Variants in LIMCH1 observed in about 807,000 individuals in gnomAD.
LIMCH1 encodes the protein LIM and calponin homology domains-containing protein 1.
A neutral mutation model predicts 176.5 loss-of-function variants in LIMCH1; 113 were observed. The ratio of observed to expected loss-of-function variants is 0.64; its 90% CI spans 0.55 to 0.75. The LOEUF (loss-of-function observed/expected upper bound fraction) is 0.75, where lower values mean the gene tolerates loss of function less well. Ranked by LOEUF, LIMCH1 falls within the 30% of genes least tolerant of loss-of-function variation. The probability of loss-of-function intolerance (pLI) is 0.00; values close to 1 mark genes in which losing one functional copy is unlikely to be tolerated. For missense variants in LIMCH1, 1,674 were observed against 1,814.9 expected (o/e 0.92, Z 1.41); for synonymous variants, 619 against 645.9 (o/e 0.96, Z 0.63).
intron 1 of LIMCH1, among the ~76,000 whole-genome samples, chr4:41,365,057 A>G (rs1033574690): frequency 2.0e-5 from 3 of 152,214 alleles, no homozygotes; most frequent in African/African-American, 7.2e-5. Flanking sequence ...CTTTCTGAAG[A>G]AACAGATGTC....
At chr4:41,395,229 A>ATTT (rs757933680) in intron 1 of LIMCH1, among the ~76,000 whole-genome samples, 16 of 130,904 alleles carry the variant, frequency 1.2e-4, no homozygotes, top group African/African-American at 3.6e-4. Flanking sequence ...GTAGAAGTTA[A>ATTT]TTTTTTTTTT....
At chr4:41,662,408 G>A (rs755351445) in intron 19 of LIMCH1, among the ~76,000 whole-genome samples, 3 of 152,138 alleles carry the variant, frequency 2.0e-5, no homozygotes, top group East Asian at 1.9e-4. Context: ...TTAAAATGGA[G>A]CATTGAAATA....
intron 1 of LIMCH1, among the ~76,000 whole-genome samples, chr4:41,578,039 A>G (rs1469734112): frequency 6.6e-6 from 1 of 152,206 alleles, no homozygotes; most frequent in Non-Finnish European, 1.5e-5. Context: ...AATCCAACAA[A>G]TGCCAAATCC....
Position 41,412,965 on chromosome 4 carries a change from A to G in LIMCH1, c.96+52029A>G, listed in dbSNP as rs567671674. Among the ~76,000 whole-genome samples, 20 of 152,312 alleles carry G rather than the reference A, an allele frequency of 1.3e-4. No homozygotes were observed. The South Asian group carries it at 3.5e-3, about 27-fold the overall frequency. Reference sequence around the variant, plus strand: ...TAAGTTGCTGAAGTTGGGGCCTCAAATCTGGAGATCCTCATAGCTAAAGGG... The same window carrying G: ...TAAGTTGCTGAAGTTGGGGCCTCAAGTCTGGAGATCCTCATAGCTAAAGGG... On this transcript the variant is annotated intron_variant, in intron 1 of 26. Coordinates refer to the LIMCH1 transcript ENST00000313860.
At chr4:41,564,307 A>G (rs1459266780) in intron 1 of LIMCH1, among the ~76,000 whole-genome samples, 1 of 152,226 alleles carries the variant, frequency 6.6e-6, no homozygotes, top group African/African-American at 2.4e-5. Flanking sequence ...CTCTGGCGGC[A>G]GAAGAGAATT....
At chr4:41,440,514 A>G (rs1275694117) in intron 1 of LIMCH1, among the ~76,000 whole-genome samples, 2 of 152,086 alleles carry the variant, frequency 1.3e-5, no homozygotes, top group Non-Finnish European at 1.5e-5. Context: ...AATACAGAAA[A>G]AATACCATGG....
At chr4:41,505,885 C>T (rs1249940333) in intron 2 of LIMCH1, among the ~76,000 whole-genome samples, 1 of 151,502 alleles carries the variant, frequency 6.6e-6, no homozygotes, top group Admixed American at 6.6e-5. Flanking sequence ...TTAACTTTCT[C>T]CCAGTCTTAG....
Position 41,699,298 on chromosome 4 carries a change from G to A in LIMCH1, c.*2113G>A, listed in dbSNP as rs577655617. ...TACATATTTCTTAGTGAGGCTCATT[G>A]TACATGTATTGAAGCTAGAATCGAG... On this transcript the variant is annotated 3_prime_UTR_variant, in exon 32 of 32. Transcript: ENST00000503057. 2.6e-5 allele frequency: 4 copies of A among 152,202 alleles called. No individual in the cohort carries two copies. The highest frequency in any genetic ancestry group is 9.6e-5 in the African/African-American group (4 of 41,532). The allele number at this position is 152,202 out of a possible 1,614,324, so 9.4% of individuals were successfully genotyped here. A position where few individuals can be genotyped will look rare whatever the true frequency, so the allele number is the denominator to read the frequency against.
At chr4:41,613,742 C>T in intron 5 of LIMCH1, 81 bp downstream of exon 5, 1 of 1,229,624 alleles carries the variant, frequency 8.1e-7, no homozygotes, top group Non-Finnish European at 1.2e-6. Flanking sequence ...GAGGGATGGG[C>T]ACTGGGAAAG....
At chr4:41,560,515 C>G (rs1367073392) in intron 1 of LIMCH1, among the ~76,000 whole-genome samples, 1 of 152,200 alleles carries the variant, frequency 6.6e-6, no homozygotes, top group African/African-American at 2.4e-5. Flanking sequence ...CTTCCCCTCC[C>G]TCAAATGTGC....
Position 41,367,001 on chromosome 4 carries a change from T to C in LIMCH1, c.96+6065T>C, listed in dbSNP as rs187763891. ...GGGAAGCAAGACAGGTCTCATATGGTGGCAGGAGAGAGAGAGCAAGCGAAG... is the reference window on the plus strand; with the variant it reads ...GGGAAGCAAGACAGGTCTCATATGGCGGCAGGAGAGAGAGAGCAAGCGAAG... On this transcript the variant is annotated intron_variant, in intron 1 of 26. Coordinates refer to the LIMCH1 transcript ENST00000313860. Among the ~76,000 whole-genome samples the C allele has an allele frequency of 5.9e-3, 902 of 152,262 alleles. 8 individuals carry two copies. The highest frequency in any genetic ancestry group is 0.021 in the African/African-American group (874 of 41,540).
At chr4:41,496,601 G>A (rs2072190585) in intron 2 of LIMCH1, among the ~76,000 whole-genome samples, 1 of 152,194 alleles carries the variant, frequency 6.6e-6, no homozygotes, top group African/African-American at 2.4e-5. Flanking sequence ...AATGGTGACT[G>A]GGGACAGGGG....
chr4:41,512,198 A>G (rs1442431018), intron 2 of LIMCH1, among the ~76,000 whole-genome samples: 1 of 152,214 alleles, frequency 6.6e-6, no homozygotes, highest in African/African-American at 2.4e-5. Flanking sequence ...CAAATCCACA[A>G]TGAAATACCA....
At chr4:41,438,059 A>T (rs1463891504) in intron 1 of LIMCH1, among the ~76,000 whole-genome samples, 1 of 152,204 alleles carries the variant, frequency 6.6e-6, no homozygotes, top group Non-Finnish European at 1.5e-5. Context: ...TTATTGCAGG[A>T]TAGCTGTTTT....
chr4:41,444,387 T>G (rs530097855), intron 1 of LIMCH1, among the ~76,000 whole-genome samples: 1 of 151,746 alleles, frequency 6.6e-6, no homozygotes, highest in Admixed American at 6.6e-5. Context: ...ATAAGTTTAT[T>G]AATGTTTCAT....
chr4:41,504,273 A>G lies in LIMCH1; in HGVS notation c.167+9667A>G, dbSNP rs76407159. On this transcript the variant is annotated intron_variant, in intron 2 of 26. Coordinates refer to the LIMCH1 transcript ENST00000313860. Reference sequence around the variant, plus strand: ...TTGCTTCCCTGGCATTAGTCCTGATATCTCTTCATTCTGAGTTTCCTAGTG... The same window carrying G: ...TTGCTTCCCTGGCATTAGTCCTGATGTCTCTTCATTCTGAGTTTCCTAGTG... Among the ~76,000 whole-genome samples, 1,149 of 152,254 alleles carry G rather than the reference A, an allele frequency of 7.5e-3. 23 individuals carry two copies. The highest frequency in any genetic ancestry group is 0.026 in the African/African-American group (1,090 of 41,530).
chr4:41,651,106 A>C (rs1307822249), intron 18 of LIMCH1, among the ~76,000 whole-genome samples: 1 of 152,088 alleles, frequency 6.6e-6, no homozygotes, highest in Non-Finnish European at 1.5e-5. Flanking sequence ...TCCAGGCTTC[A>C]AGCAATTCTC....
In LIMCH1 at chr4:41,697,973, C is replaced by G. The variant is rs1731666512; in HGVS notation, c.*788C>G. 6.6e-6 allele frequency: 1 copy of G among 152,136 alleles called. No homozygotes were observed. Among genetic ancestry groups the G allele is most frequent in the Non-Finnish European group, 1.5e-5 (1 of 68,042 alleles). 9.4% of individuals were successfully genotyped at this position (152,136 alleles called of 1,614,324 possible). ...CAGTCATCATTTCCAAAGTCATTAT[C>G]AAAATCTGTGAGGAAGTTTAATCTT... On this transcript the variant is annotated 3_prime_UTR_variant, in exon 32 of 32. Coordinates refer to ENST00000503057, the MANE Select transcript of LIMCH1 (RefSeq NM_001330672.2).
intron 18 of LIMCH1, 94 bp downstream of exon 18, chr4:41,650,702 T>A: frequency 1.5e-5 from 16 of 1,068,412 alleles, no homozygotes; most frequent in Non-Finnish European, 2.0e-5. Flanking sequence ...AATGACCATT[T>A]CTTTCTATGT....
Sources: allele counts gnomAD v4.1 joint callset (sites outside exome capture counted in the v4.1 genomes callset), GRCh38; gene constraint gnomAD v4.1.1; transcripts MANE v1.5; gene names NCBI Gene and HGNC (gene_info 2026-07-23, HGNC 2026-07-21).